The following PTPRG variants were observed in gnomAD, a reference collection of about 807,000 sequenced individuals.
PTPRG encodes receptor-type tyrosine-protein phosphatase gamma.
Under a neutral mutation model 165.3 loss-of-function variants are expected in PTPRG, and 102 were observed. That is an observed-to-expected ratio of 0.62 (90% CI 0.53 to 0.73). PTPRG has a LOEUF of 0.73. Ranked by LOEUF, PTPRG falls within the 30% of genes least tolerant of loss-of-function variation. PTPRG has a pLI of 0.00. For synonymous variants in PTPRG, 675 were observed against 669.5 expected, an observed-to-expected ratio of 1.01 and a Z score of -0.13; for missense variants, 1,866 against 1,861.4, an observed-to-expected ratio of 1.00 and a Z score of -0.05.
At chr3:61,661,336 T>A (rs1259915980) in intron 1 of PTPRG, among the ~76,000 whole-genome samples, 5 of 152,106 alleles carry the variant, frequency 3.3e-5, no homozygotes, top group Non-Finnish European at 7.3e-5. Flanking sequence ...TTTTTTTAAA[T>A]TTTTAAGAGA....
chr3:62,076,159 T>C (rs1223284663), intron 4 of PTPRG, among the ~76,000 whole-genome samples: 1 of 152,024 alleles, frequency 6.6e-6, no homozygotes, highest in East Asian at 1.9e-4. Context: ...TGGTGGTGTA[T>C]ACCCGTAGTC....
In PTPRG at chr3:61,856,685, G is replaced by A. The variant is rs562385628; in HGVS notation, c.190+107703G>A. 7.2e-5 allele frequency among the ~76,000 whole-genome samples: 11 copies of A among 152,310 alleles called. No individual in the cohort carries two copies. In the East Asian group the frequency reaches 1.2e-3, roughly 16 times the overall value. Reference sequence around the variant, plus strand: ...AACAGGTTTTGTTAACATGTCTCCAGGTCATTAACAAACAACTCTAACTTA... The same window carrying A: ...AACAGGTTTTGTTAACATGTCTCCAAGTCATTAACAAACAACTCTAACTTA... On this transcript the variant is annotated intron_variant, in intron 2 of 29. Transcript: ENST00000474889.
chr3:62,271,663 C>A lies in PTPRG; in HGVS notation c.3182+108C>A. On this transcript the variant is annotated intron_variant, in intron 21 of 29. Coordinates refer to ENST00000474889, the MANE Select transcript of PTPRG (RefSeq NM_002841.4). This position sits in a 1 kb window ranked among gnomAD's most constrained non-coding sequence, Gnocchi z 4.1. ...GCTTTCACTTAGAAGCTGAATCTTC[C>A]ACTGGAAACTGGGATGGATAAGACC... 1 of 1,023,958 alleles carries A rather than the reference C, an allele frequency of 9.8e-7. No homozygotes were observed. The highest frequency in any genetic ancestry group is 1.4e-6 in the Non-Finnish European group (1 of 718,608). 63.4% of individuals were successfully genotyped at this position (1,023,958 alleles called of 1,614,324 possible).
At chr3:61,683,637 A>G (rs1381190653) in intron 1 of PTPRG, among the ~76,000 whole-genome samples, 2 of 152,172 alleles carry the variant, frequency 1.3e-5, no homozygotes, top group Non-Finnish European at 2.9e-5. Context: ...TTTCCTTTTC[A>G]TGGGACATAG....
rs1203826945 is a variant in PTPRG at position 61,984,849 on chromosome 3, C to G, written c.191-4776C>G. Among the ~76,000 whole-genome samples the G allele has an allele frequency of 5.3e-5, 8 of 152,312 alleles. 1 individual carries two copies. The highest frequency in any genetic ancestry group is 5.2e-4 in the Admixed American group (8 of 15,300). The stretch of plus-strand genomic sequence containing the variant: ...TTTAGTCTTTCTCATGACCTTGACA[C>G]TTTTGAGGAGTGTTTGTCAATTATA... On this transcript the variant is annotated intron_variant, in intron 2 of 29. Transcript: ENST00000474889.
intron 2 of PTPRG, among the ~76,000 whole-genome samples, chr3:61,916,221 T>A (rs944590670): frequency 6.6e-6 from 1 of 152,186 alleles, no homozygotes; most frequent in Non-Finnish European, 1.5e-5. Flanking sequence ...TTGTTGGCAT[T>A]TGTAAATTGA....
chr3:61,932,697 A>G (rs917646855), intron 2 of PTPRG, among the ~76,000 whole-genome samples: 7 of 152,232 alleles, frequency 4.6e-5, no homozygotes, highest in Non-Finnish European at 1.0e-4. Flanking sequence ...CAGTAAGGGC[A>G]AAAGGTGGGT....
chr3:62,223,046 G>T (rs568996405), intron 13 of PTPRG, among the ~76,000 whole-genome samples: 1 of 152,218 alleles, frequency 6.6e-6, no homozygotes, highest in Non-Finnish European at 1.5e-5. Context: ...GGTGAAGAGG[G>T]TGTGGAAGAA....
intron 2 of PTPRG, among the ~76,000 whole-genome samples, chr3:61,952,954 G>C (rs1274096328): frequency 1.3e-5 from 2 of 152,142 alleles, no homozygotes; most frequent in Admixed American, 6.5e-5. Flanking sequence ...TTAAAAATGG[G>C]AATATGAATG....
intron 9 of PTPRG, among the ~76,000 whole-genome samples, chr3:62,194,292 T>A (rs565543385): frequency 3.3e-4 from 50 of 152,252 alleles, no homozygotes; most frequent in Non-Finnish European, 6.5e-4. Context: ...GGTCTACCTC[T>A]GAGCAAGGTT....
chr3:61,953,038 A>G (rs2039935880), intron 2 of PTPRG, among the ~76,000 whole-genome samples: 1 of 152,128 alleles, frequency 6.6e-6, no homozygotes. Flanking sequence ...ACATCCTAGG[A>G]TCCAGCAATG....
intron 4 of PTPRG, among the ~76,000 whole-genome samples, chr3:62,058,954 A>C (rs1313172021): frequency 2.6e-5 from 4 of 151,954 alleles, no homozygotes; most frequent in African/African-American, 9.7e-5. Context: ...GGAGATGGGG[A>C]CTCTACCACA....
chr3:61,679,981 T>C (rs1160233721), intron 1 of PTPRG, among the ~76,000 whole-genome samples: 1 of 152,126 alleles, frequency 6.6e-6, no homozygotes, highest in Non-Finnish European at 1.5e-5. Flanking sequence ...CATTTTCTCT[T>C]TCTCAATTTC....
intron 13 of PTPRG, among the ~76,000 whole-genome samples, chr3:62,226,729 G>T (rs1700770963): frequency 6.6e-6 from 1 of 152,138 alleles, no homozygotes; most frequent in African/African-American, 2.4e-5. Flanking sequence ...TTAAAATTTG[G>T]TATGAGAAGG....
At chr3:61,960,405 G>A (rs2040124469) in intron 2 of PTPRG, among the ~76,000 whole-genome samples, 1 of 152,006 alleles carries the variant, frequency 6.6e-6, no homozygotes, top group African/African-American at 2.4e-5. Context: ...GTAGTCAGCT[G>A]CCCTGCCAGG....
chr3:61,605,409 C>G (rs1700974537), intron 1 of PTPRG, among the ~76,000 whole-genome samples: 1 of 151,894 alleles, frequency 6.6e-6, no homozygotes, highest in Non-Finnish European at 1.5e-5. Context: ...GTGCACACCA[C>G]CACACCCAGC....
chr3:61,661,371 A>C (rs1275125813), intron 1 of PTPRG, among the ~76,000 whole-genome samples: 1 of 152,046 alleles, frequency 6.6e-6, no homozygotes, highest in East Asian at 1.9e-4. Flanking sequence ...GTGAAGGAAT[A>C]GCAAACCTTG....
At chr3:62,188,301 G>C (rs1481823824) in intron 8 of PTPRG, among the ~76,000 whole-genome samples, 1 of 152,168 alleles carries the variant, frequency 6.6e-6, no homozygotes, top group Non-Finnish European at 1.5e-5. Flanking sequence ...CTTGAGCTCA[G>C]GAGGTTGAAG....
intron 2 of PTPRG, among the ~76,000 whole-genome samples, chr3:61,907,491 C>A (rs1224084514): frequency 2.0e-5 from 3 of 152,164 alleles, no homozygotes; most frequent in Non-Finnish European, 4.4e-5. Context: ...TCTTTGACAT[C>A]CTTGAATAAA....
Sources: allele counts gnomAD v4.1 joint callset (sites outside exome capture counted in the v4.1 genomes callset), GRCh38; gene constraint gnomAD v4.1.1; non-coding constraint Gnocchi (gnomAD v3.1); transcripts MANE v1.5; gene names NCBI Gene and HGNC (gene_info 2026-07-23, HGNC 2026-07-21).